SLC41A2: variants seen among roughly 807,000 people sequenced by gnomAD.
The protein encoded by SLC41A2 is solute carrier family 41 member 2.
In SLC41A2, 32 loss-of-function variants were observed where a neutral mutation model predicts 58.3. The ratio of observed to expected loss-of-function variants is 0.55; its 90% confidence interval spans 0.41 to 0.74. The LOEUF (loss-of-function observed/expected upper bound fraction) is 0.74. SLC41A2 is among the 30% of genes least tolerant of loss of function. The pLI, the probability that SLC41A2 is intolerant of heterozygous loss-of-function variation, is 0.00. For missense variants in SLC41A2, 514 were observed against 680.6 expected (o/e 0.76, Z 2.72); for synonymous variants, 190 against 235.0 (o/e 0.81, Z 1.75).
At chr12:104,940,276 T>C (rs2047452730) in intron 1 of SLC41A2, among the ~76,000 whole-genome samples, 2 of 151,778 alleles carry the variant, frequency 1.3e-5, no homozygotes, top group Admixed American at 1.3e-4. Flanking sequence ...CTTCCCAAAG[T>C]GCTAGGATTA....
chr12:104,956,300 T>C (rs76955814), intron 1 of SLC41A2, among the ~76,000 whole-genome samples: 1 of 152,190 alleles, frequency 6.6e-6, no homozygotes, highest in Admixed American at 6.5e-5. Context: ...ATCAGATTGG[T>C]TGGATTTTTT....
At chr12:104,889,843 G>C (rs1010357447) in intron 4 of SLC41A2, among the ~76,000 whole-genome samples, 1 of 151,998 alleles carries the variant, frequency 6.6e-6, no homozygotes, top group African/African-American at 2.4e-5. Flanking sequence ...CAAACTTTGT[G>C]ATTTAAATTA....
Position 104,928,342 on chromosome 12 carries a change from G to A in SLC41A2, c.186C>T (p.Asn62=), listed in dbSNP as rs772253372. 126 of 1,610,996 alleles carry A rather than the reference G, an allele frequency of 7.8e-5. No individual in the cohort carries two copies. The highest frequency in any genetic ancestry group is 5.0e-4 in the Middle Eastern group (3 of 6,042). Residue 62 remains asparagine, a synonymous_variant, in exon 2 of 11, where the codon AAC becomes AAT. Transcript: ENST00000258538. ...KNQEDRHKKA[N]GIWQDGLSTA... Reference sequence around the variant, plus strand: ...TTGATAATCCATCTTGCCAAATGCCGTTTGCTTTTTTGTGCCTGTCTTCTT... The same window carrying A: ...TTGATAATCCATCTTGCCAAATGCCATTTGCTTTTTTGTGCCTGTCTTCTT...
intron 3 of SLC41A2, among the ~76,000 whole-genome samples, chr12:104,899,113 T>G (rs2135722569): frequency 6.6e-6 from 1 of 152,304 alleles, no homozygotes; most frequent in Non-Finnish European, 1.5e-5. Context: ...GAACTTCCAT[T>G]TAATTCTTTT....
intron 6 of SLC41A2, among the ~76,000 whole-genome samples, chr12:104,883,622 C>T (rs1300606762): frequency 6.6e-6 from 1 of 152,138 alleles, no homozygotes; most frequent in Non-Finnish European, 1.5e-5. Flanking sequence ...CACTCCAGAC[C>T]CTGTTTTCCT....
chr12:104,933,245 A>T (rs1455182561), intron 1 of SLC41A2, among the ~76,000 whole-genome samples: 1 of 152,216 alleles, frequency 6.6e-6, no homozygotes, highest in Non-Finnish European at 1.5e-5. Context: ...TCTCAAAAGA[A>T]GACATACAAA....
chr12:104,810,082 G>A (rs1009865533), intron 10 of SLC41A2, among the ~76,000 whole-genome samples: 1 of 152,160 alleles, frequency 6.6e-6, no homozygotes, highest in African/African-American at 2.4e-5. Flanking sequence ...AGGAGGGTAG[G>A]AGATGTGAAC....
At chr12:104,903,475 A>G (rs1336494022) in intron 3 of SLC41A2, among the ~76,000 whole-genome samples, 2 of 152,194 alleles carry the variant, frequency 1.3e-5, no homozygotes, top group African/African-American at 4.8e-5. Flanking sequence ...TATCAGAATC[A>G]TCTGGAGAGT....
intron 6 of SLC41A2, among the ~76,000 whole-genome samples, chr12:104,884,455 A>G (rs1244889783): frequency 2.6e-5 from 4 of 152,058 alleles, no homozygotes; most frequent in Non-Finnish European, 5.9e-5. Context: ...GGAGCTATTC[A>G]TATTTGGCCA....
chr12:104,886,991 G>A (rs2044702648), intron 5 of SLC41A2, among the ~76,000 whole-genome samples: 1 of 152,008 alleles, frequency 6.6e-6, no homozygotes, highest in African/African-American at 2.4e-5. Flanking sequence ...AACAGTCTTT[G>A]TAAAAGATAT....
chr12:104,889,003 T>C (rs1352312994), intron 5 of SLC41A2, 30 bp downstream of exon 5: 9 of 1,537,896 alleles, frequency 5.9e-6, no homozygotes, highest in Non-Finnish European at 7.8e-6. Flanking sequence ...TGTAAAAGGC[T>C]ATAGAGTAGA....
At chr12:104,850,221 T>C (rs2042748847) in intron 8 of SLC41A2, among the ~76,000 whole-genome samples, 1 of 152,234 alleles carries the variant, frequency 6.6e-6, no homozygotes, top group South Asian at 2.1e-4. Flanking sequence ...GTGATGAAAC[T>C]ACATTGTTTT....
chr12:104,940,934 CAAAAAA>C (rs386377636), intron 1 of SLC41A2, among the ~76,000 whole-genome samples: 5 of 95,546 alleles, frequency 5.2e-5, no homozygotes, highest in African/African-American at 1.2e-4. Flanking sequence ...GACTCTGCCT[CAAAAAA>C]AAAAAAAAAA....
At chr12:104,821,402 C>T (rs12582312) in intron 10 of SLC41A2, among the ~76,000 whole-genome samples, 3,727 of 152,068 alleles carry the variant, frequency 0.025, 96 homozygotes, top group East Asian at 0.15. Flanking sequence ...CATTCATAAC[C>T]TTGATTTTTA....
At chr12:104,907,685 T>G (rs2045912953) in intron 3 of SLC41A2, among the ~76,000 whole-genome samples, 1 of 152,190 alleles carries the variant, frequency 6.6e-6, no homozygotes, top group Non-Finnish European at 1.5e-5. Flanking sequence ...TTCTGGAATG[T>G]GACTTATTCC....
chr12:104,880,253 C>G (rs1247140689), intron 6 of SLC41A2, among the ~76,000 whole-genome samples: 2 of 152,074 alleles, frequency 1.3e-5, no homozygotes, highest in East Asian at 3.9e-4. Flanking sequence ...CAATCATGCC[C>G]TCTGCAAACA....
intron 2 of SLC41A2, among the ~76,000 whole-genome samples, chr12:104,923,067 T>C (rs550514873): frequency 2.0e-4 from 30 of 151,598 alleles, no homozygotes; most frequent in Non-Finnish European, 3.4e-4. Flanking sequence ...ATAAATACTA[T>C]GTCAAAAAAT....
At chr12:104,908,157 T>C (rs2045933081) in intron 3 of SLC41A2, among the ~76,000 whole-genome samples, 1 of 151,966 alleles carries the variant, frequency 6.6e-6, no homozygotes, top group Non-Finnish European at 1.5e-5. Flanking sequence ...CCCAGCTACT[T>C]GGGAGGCTGA....
rs1253307160 is a variant in SLC41A2 at position 104,803,761 on chromosome 12, A to T, written c.*1391T>A. The T allele has an allele frequency of 6.6e-6, 1 of 152,178 alleles. No homozygotes were observed. The highest frequency in any genetic ancestry group is 2.4e-5 in the African/African-American group (1 of 41,444). The allele number at this position is 152,178 out of a possible 1,614,324, so 9.4% of individuals were successfully genotyped here. A position where few individuals can be genotyped will look rare whatever the true frequency, so the allele number is the denominator to read the frequency against. On this transcript the variant is annotated 3_prime_UTR_variant, in exon 11 of 11. Transcript: ENST00000258538. ...AGAAAAATTATTTGAGAAATATAGT[A>T]TATATGATTGGGTCCCACGTAGAAA...
Sources: allele counts gnomAD v4.1 joint callset (sites outside exome capture counted in the v4.1 genomes callset), GRCh38; gene constraint gnomAD v4.1.1; transcripts MANE v1.5; gene names NCBI Gene and HGNC (gene_info 2026-07-23, HGNC 2026-07-21).